The following RECQL variants were observed in gnomAD, a reference collection of about 807,000 sequenced individuals.
The protein encoded by RECQL is RecQ like helicase.
Under a neutral mutation model 75.8 loss-of-function variants are expected in RECQL, and 73 were observed. The ratio of observed to expected loss-of-function variants is 0.96; its 90% CI spans 0.80 to 1.17. The LOEUF (loss-of-function observed/expected upper bound fraction) is 1.17, where lower values mean the gene tolerates loss of function less well. Among genes scored for constraint, RECQL ranks in the 50% most tolerant of loss-of-function variants. The pLI is 0.00. For synonymous variants in RECQL, 248 were observed against 254.4 expected (o/e 0.97, Z 0.24); for missense variants, 699 against 772.1 (o/e 0.91, Z 1.12).
chr12:21,490,103 T>C, intron 4 of RECQL, 96 bp downstream of exon 4: 1 of 591,594 alleles, frequency 1.7e-6, no homozygotes, highest in Non-Finnish European at 2.7e-6. Flanking sequence ...ACTTGATTTT[T>C]ATATATGTAT....
In RECQL at chr12:21,471,607, T is replaced by C. The variant is rs750230697; in HGVS notation, c.1488A>G (p.Leu496=). 6.2e-7 allele frequency: 1 copy of C among 1,612,840 alleles called. No individual in the cohort carries two copies. The highest frequency in any genetic ancestry group is 8.5e-7 in the Non-Finnish European group (1 of 1,179,198). ...CCTCTGCCTGCTTCAGGATCTTGAT[T>C]AGATCTCTGCAGTACTCTGTTATGT... is the stretch of plus-strand genomic sequence containing the variant. ...RKNITEYCRD[L]IKILKQAEEL... is the part of the protein sequence containing the mutation. Residue 496 remains leucine, a synonymous_variant, in exon 13 of 15, where the codon CTA becomes CTG. Transcript: ENST00000444129.
chr12:21,474,977 G>T lies in RECQL; in HGVS notation c.1219C>A (p.Arg407=). The change falls in exon 11 of 15, where the codon CGA becomes AGA. Residue 407 remains arginine (R), a splice_region_variant and synonymous_variant. Coordinates refer to ENST00000444129, the MANE Select transcript of RECQL (RefSeq NM_002907.4). ...ATACAGTCTGCTTTCATGTCATCTC[G>T]ACCTGTGGTGTGAGAAACCTTGAGA... ...NYYQESGRAG[R]DDMKADCILY... 1 of 1,610,696 alleles carries T rather than the reference G, an allele frequency of 6.2e-7. No homozygotes were observed. Among genetic ancestry groups the T allele is most frequent in the Non-Finnish European group, 8.5e-7 (1 of 1,177,978 alleles).
At chr12:21,486,420 T>C (rs566910731) in intron 5 of RECQL, 59 bp downstream of exon 5, 21 of 1,502,208 alleles carry the variant, frequency 1.4e-5, no homozygotes, top group Non-Finnish European at 1.7e-5. Flanking sequence ...CAACTGCAGG[T>C]AAAGCTCCTA....
intron 12 of RECQL, among the ~76,000 whole-genome samples, 170 bp downstream of exon 12, chr12:21,473,381 T>C (rs761594211): frequency 3.9e-5 from 6 of 152,126 alleles, no homozygotes; most frequent in Non-Finnish European, 8.8e-5. Context: ...CTAGGATCAA[T>C]AGGCTATAAC....
At chr12:21,498,390 C>T (rs1434724511) in intron 2 of RECQL, among the ~76,000 whole-genome samples, 4 of 152,108 alleles carry the variant, frequency 2.6e-5, no homozygotes, top group Admixed American at 1.3e-4. Context: ...CTTAGTGATC[C>T]GCTAGTGAAA....
chr12:21,476,548 G>A (rs1943090374), intron 8 of RECQL, among the ~76,000 whole-genome samples: 1 of 152,022 alleles, frequency 6.6e-6, no homozygotes, highest in Admixed American at 6.6e-5. Context: ...TTTACTGTAA[G>A]GGAGTATATT....
chr12:21,481,856 G>A (rs76965788), intron 6 of RECQL, among the ~76,000 whole-genome samples: 4,454 of 152,062 alleles, frequency 0.029, 179 homozygotes, highest in African/African-American at 0.089. Context: ...AGTAGAATGT[G>A]GCAAGGTGAG....
rs775055596 is a variant in RECQL at position 21,491,597 on chromosome 12, TTTTC to T, written c.132_135del (p.Lys45Ter). 5.1e-5 allele frequency: 82 copies of T among 1,613,928 alleles called. No individual in the cohort carries two copies. Among genetic ancestry groups the T allele is most frequent in the Non-Finnish European group, 6.5e-5 (77 of 1,179,986 alleles). Reference sequence around the variant, plus strand: ...TCAGAATCCTCTAAACACTGCTTTATTTTCTTTGTCAGGACTTTTTTTTTCTGAA... The same window carrying T: ...TCAGAATCCTCTAAACACTGCTTTATTTTGTCAGGACTTTTTTTTTCTGAA... On this transcript the variant is annotated frameshift_variant, in exon 3 of 15. Transcript: ENST00000444129. LOFTEE classifies it high-confidence loss of function.
intron 3 of RECQL, 98 bp from the exon 4 acceptor site, chr12:21,490,476 G>A: frequency 1.4e-6 from 1 of 716,442 alleles, no homozygotes; most frequent in Non-Finnish European, 2.2e-6. Context: ...AATACTTATA[G>A]ACCATTAAAC....
chr12:21,490,434 A>G, intron 3 of RECQL, 56 bp from the exon 4 acceptor site: 2 of 1,192,342 alleles, frequency 1.7e-6, no homozygotes, highest in Non-Finnish European at 1.2e-6. Context: ...TAGAAGTTTG[A>G]TAAGAATGAG....
intron 2 of RECQL, among the ~76,000 whole-genome samples, chr12:21,497,654 A>T (rs7301591): frequency 1.3e-5 from 2 of 152,248 alleles, no homozygotes; most frequent in African/African-American, 4.8e-5. Flanking sequence ...ATTTGTGTCC[A>T]ATGTGAATGC....
intron 7 of RECQL, 23 bp downstream of exon 7, chr12:21,477,780 G>T: frequency 1.9e-6 from 3 of 1,564,024 alleles, no homozygotes; most frequent in South Asian, 2.3e-5. Flanking sequence ...CAAAAGTAAG[G>T]AATTGACATA....
intron 1 of RECQL, among the ~76,000 whole-genome samples, chr12:21,500,285 A>G (rs1943584630): frequency 6.6e-6 from 1 of 152,198 alleles, no homozygotes; most frequent in Non-Finnish European, 1.5e-5. Flanking sequence ...AATGATTTCT[A>G]AGTATCTATG....
Position 21,501,551 on chromosome 12 carries a change from C to T in RECQL, c.-427G>A, listed in dbSNP as rs1009717588. 9.0e-5 allele frequency: 23 copies of T among 255,666 alleles called. No homozygotes were observed. Among genetic ancestry groups the T allele is most frequent in the Non-Finnish European group, 7.7e-6 (1 of 129,464 alleles). 15.8% of individuals were successfully genotyped at this position (255,666 alleles called of 1,614,324 possible). A position where few individuals can be genotyped will look rare whatever the true frequency, so the allele number is the denominator to read the frequency against. ...TCTCCGATCTCCGACTCTCGGATCT[C>T]CGACACCAAAGCACCCAGGCCTCGA... On this transcript the variant is annotated 5_prime_UTR_variant, in exon 1 of 15. Transcript: ENST00000444129.
At chr12:21,472,424 C>A (rs1942994311) in intron 12 of RECQL, among the ~76,000 whole-genome samples, 1 of 152,068 alleles carries the variant, frequency 6.6e-6, no homozygotes, top group Non-Finnish European at 1.5e-5. Context: ...ATAGACAGAG[C>A]AGGGCTACCC....
At chr12:21,475,168 T>C (rs1194085401) in intron 10 of RECQL, among the ~76,000 whole-genome samples, 189 bp from the exon 11 acceptor site, 1 of 152,032 alleles carries the variant, frequency 6.6e-6, no homozygotes, top group Non-Finnish European at 1.5e-5. Context: ...TAATCAGCTC[T>C]ACTAAGTTAA....
intron 6 of RECQL, among the ~76,000 whole-genome samples, chr12:21,480,259 G>A (rs763146334): frequency 1.3e-5 from 2 of 152,142 alleles, no homozygotes; most frequent in African/African-American, 2.4e-5. Flanking sequence ...GTTTAGGTAG[G>A]GAAGTAACAT....
chr12:21,499,665 T>C lies in RECQL; in HGVS notation c.-45-50A>G, dbSNP rs1230483390. On this transcript the variant is annotated intron_variant, in intron 1 of 14. Transcript: ENST00000444129. ...CAACAAGTTTTTAAAAATAGTACTA[T>C]TAATGATGTTCACTCAACAGTAATC... 3 of 939,480 alleles carry C rather than the reference T, an allele frequency of 3.2e-6. No individual in the cohort carries two copies. In the East Asian group the frequency reaches 7.4e-5, roughly 23 times the overall value. 58.2% of individuals were successfully genotyped at this position (939,480 alleles called of 1,614,324 possible). A position where few individuals can be genotyped will look rare whatever the true frequency, so the allele number is the denominator to read the frequency against.
Position 21,476,829 on chromosome 12 carries a change from TATC to T in RECQL, c.949+79_949+81del, listed in dbSNP as rs991126985. 9.9e-5 allele frequency: 75 copies of T among 757,898 alleles called. No homozygotes were observed. In the African/African-American group the frequency reaches 1.3e-3, roughly 14 times the overall value. The allele number at this position is 757,898 out of a possible 1,614,324, so 46.9% of individuals were successfully genotyped here. On this transcript the variant is annotated intron_variant, in intron 8 of 14. Transcript: ENST00000444129. ...TTAATTTTTTTTGGTGTTATTCAGTTATCAGTATAATTATCAATATGATATGAA... is the reference window on the plus strand; with the variant it reads ...TTAATTTTTTTTGGTGTTATTCAGTTAGTATAATTATCAATATGATATGAA...
Sources: allele counts gnomAD v4.1 joint callset (sites outside exome capture counted in the v4.1 genomes callset), GRCh38; gene constraint gnomAD v4.1.1; transcripts MANE v1.5; gene names NCBI Gene and HGNC (gene_info 2026-07-23, HGNC 2026-07-21).